NHSL2: variants seen among roughly 807,000 people sequenced by gnomAD.
The protein encoded by NHSL2 is NHS-like protein 2.
NHSL2 carries 27 observed loss-of-function variants against 53.4 expected under a neutral mutation model. The observed-to-expected ratio is 0.51, with a 90% CI of 0.37 to 0.70. The LOEUF (loss-of-function observed/expected upper bound fraction) is 0.70. NHSL2 is among the 30% of genes least tolerant of loss of function. The pLI is 0.00. For missense variants in NHSL2, 892 were observed against 980.1 expected, an observed-to-expected ratio of 0.91 and a Z score of 1.20; for synonymous variants, 408 against 404.1, an observed-to-expected ratio of 1.01 and a Z score of -0.12.
chrX:71,965,645 T>C (rs986827849), intron 1 of NHSL2, among the ~76,000 whole-genome samples: 6 of 112,197 alleles, frequency 5.3e-5, no homozygotes, highest in Non-Finnish European at 9.4e-5. Flanking sequence ...ATCCACAAAA[T>C]AACTTGCTGG....
chrX:72,128,862 G>A (rs1947258065), intron 1 of NHSL2: 1 of 113,252 alleles, frequency 8.8e-6, no homozygotes, highest in Non-Finnish European at 1.9e-5. Context: ...CTGGCAAGGG[G>A]AGAAGACCAC....
chrX:71,921,717 C>T (rs756295729), intron 1 of NHSL2, among the ~76,000 whole-genome samples: 5 of 111,595 alleles, frequency 4.5e-5, no homozygotes, highest in East Asian at 2.8e-4. Flanking sequence ...CCACTATGCA[C>T]GAGTTCATCG....
In NHSL2 at chrX:71,965,551, TC is replaced by T. The variant is rs775345708; in HGVS notation, c.280+54185del. On this transcript the variant is annotated intron_variant, in intron 1 of 7. Coordinates refer to ENST00000633930, the MANE Select transcript of NHSL2 (RefSeq NM_001013627.3). ...CTCAAGGTTGGGCAGTGTAAGTCCT[TC>T]AACTCTTCTTCTCCTTCAATATTGA... is the stretch of plus-strand genomic sequence containing the variant. Among the ~76,000 whole-genome samples, 281 of 112,196 alleles carry T rather than the reference TC, an allele frequency of 2.5e-3. 1 individual carries two copies. The highest frequency in any genetic ancestry group is 8.7e-3 in the African/African-American group (269 of 31,001).
chrX:71,930,560 C>T (rs755127562), intron 1 of NHSL2, among the ~76,000 whole-genome samples: 36 of 112,345 alleles, frequency 3.2e-4, no homozygotes, highest in African/African-American at 1.0e-3. Flanking sequence ...ATCTTCCCAC[C>T]AGTCCCTGGT....
chrX:72,019,761 TC>T (rs1210993769), intron 1 of NHSL2, among the ~76,000 whole-genome samples: 3 of 112,089 alleles, frequency 2.7e-5, no homozygotes, highest in Non-Finnish European at 5.6e-5. Flanking sequence ...TCTCTGAGCC[TC>T]AGTCCCTCCT....
chrX:72,042,754 C>CAA (rs5902691), intron 1 of NHSL2, among the ~76,000 whole-genome samples: 3 of 95,092 alleles, frequency 3.2e-5, no homozygotes, highest in African/African-American at 1.2e-4. Flanking sequence ...ATCCCTGAGC[C>CAA]AAAAAAAAAA....
rs1176421474 is a variant in NHSL2, at chrX:72,140,426, T to C, written c.2878T>C (p.Phe960Leu). 6.6e-6 allele frequency: 8 copies of C among 1,208,251 alleles called. No homozygotes were observed. In the African/African-American group the frequency reaches 1.2e-4, roughly 19 times the overall value. ...TTTTGCCAGTTCCTCTGATGCTTTCTTCTCAGGAACACAGCAGCCTCCCCA... is the reference window on the plus strand; with the variant it reads ...TTTTGCCAGTTCCTCTGATGCTTTCCTCTCAGGAACACAGCAGCCTCCCCA... ...TPFASSSDAF[F>L]SGTQQPPQGS... The change falls in exon 6 of 8, where the codon TTC (phenylalanine) becomes CTC (leucine). Residue 960 changes from phenylalanine (F) to leucine (L), a missense_variant. Phe to Leu is a conservative substitution (Grantham distance 22). Coordinates refer to ENST00000633930, the MANE Select transcript of NHSL2 (RefSeq NM_001013627.3).
intron 1 of NHSL2, among the ~76,000 whole-genome samples, chrX:72,080,666 G>A (rs778495228): frequency 5.5e-5 from 6 of 109,933 alleles, no homozygotes; most frequent in African/African-American, 2.0e-4. Context: ...TTGTCCCTTC[G>A]GTGGTAGAAA....
intron 1 of NHSL2, among the ~76,000 whole-genome samples, chrX:72,053,340 C>G (rs929986383): frequency 1.5e-4 from 17 of 111,783 alleles, no homozygotes; most frequent in African/African-American, 4.9e-4. Flanking sequence ...CCAATCTTCT[C>G]CATTCTGGGG....
Position 72,140,468 on chromosome X carries a change from G to A in NHSL2, c.2920G>A (p.Glu974Lys), listed in dbSNP as rs1242812268. 1 of 1,210,056 alleles carries A rather than the reference G, an allele frequency of 8.3e-7. No homozygotes were observed. Among genetic ancestry groups the A allele is most frequent in the Non-Finnish European group, 1.1e-6 (1 of 894,603 alleles). Residue 974 changes from glutamate to lysine, a missense_variant, in exon 6 of 8, where the codon GAG becomes AAG. Coordinates refer to ENST00000633930, the MANE Select transcript of NHSL2 (RefSeq NM_001013627.3). The part of the protein sequence containing the change: ...QQPPQGSVED[E>K]GPKVRVLPER... ...GCCTCCCCAGGGAAGTGTAGAGGAC[G>A]AGGGCCCCAAGGTGAGGGTTCTGCC... is the stretch of plus-strand genomic sequence containing the variant.
chrX:72,114,055 C>A (rs775208859), intron 1 of NHSL2, among the ~76,000 whole-genome samples: 4 of 111,989 alleles, frequency 3.6e-5, no homozygotes, highest in Admixed American at 9.4e-5. Context: ...TTGAAGTAAA[C>A]CACAAAACAA....
chrX:72,134,194 C>T lies in NHSL2; in HGVS notation c.540C>T (p.Ala180=). The change falls in exon 3 of 8, where the codon GCC becomes GCT. Residue 180 remains alanine, a synonymous_variant. Coordinates refer to ENST00000633930, the MANE Select transcript of NHSL2 (RefSeq NM_001013627.3). ...CCCCCAACCCAAGGCCCCAGTCTGCCAGGCGTCTGGAGTTTATATTGATGG... is the reference window on the plus strand; with the variant it reads ...CCCCCAACCCAAGGCCCCAGTCTGCTAGGCGTCTGGAGTTTATATTGATGG... The part of the protein sequence containing the change: ...KPTPNPRPQS[A]RRLEFILMPT... 1 of 1,167,531 alleles carries T rather than the reference C, an allele frequency of 8.6e-7. No individual in the cohort carries two copies. The highest frequency in any genetic ancestry group is 1.1e-6 in the Non-Finnish European group (1 of 872,434).
intron 1 of NHSL2, among the ~76,000 whole-genome samples, chrX:72,111,136 C>T (rs1053343747): frequency 2.7e-5 from 3 of 112,570 alleles, no homozygotes; most frequent in Admixed American, 9.4e-5. Context: ...CTCCCTGCCC[C>T]GGACTCTGCC....
chrX:71,911,422 C>T, intron 1 of NHSL2, 55 bp downstream of exon 1: 3 of 978,871 alleles, frequency 3.1e-6, no homozygotes, highest in Non-Finnish European at 2.6e-6. Flanking sequence ...CCTCTAGGGG[C>T]GCCGGTCGGC....
At chrX:72,124,301 ATC>A (rs2042205069) in intron 1 of NHSL2, among the ~76,000 whole-genome samples, 1 of 110,559 alleles carries the variant, frequency 9.0e-6, no homozygotes, top group Admixed American at 9.5e-5. Context: ...CTTGTGGCAC[ATC>A]TCTCTCAAAT....
At chrX:72,062,571 G>A (rs1198629546) in intron 1 of NHSL2, among the ~76,000 whole-genome samples, 1 of 112,045 alleles carries the variant, frequency 8.9e-6, no homozygotes, top group Non-Finnish European at 1.9e-5. Context: ...TGGCCAGCAT[G>A]CATGCTCCAG....
chrX:71,953,106 C>T, intron 1 of NHSL2, among the ~76,000 whole-genome samples: 1 of 111,195 alleles, frequency 9.0e-6, no homozygotes, highest in Non-Finnish European at 1.9e-5. Context: ...TGCCATCTAA[C>T]TCTCCACTGT....
rs1556312370 is a variant in NHSL2 at position 71,964,029 on chromosome X, A to ATATATATG, written c.280+52669_280+52670insGTATATAT. 4.0e-3 allele frequency among the ~76,000 whole-genome samples: 128 copies of ATATATATG among 32,055 alleles called. 5 individuals are homozygous for ATATATATG. Among genetic ancestry groups the ATATATATG allele is most frequent in the African/African-American group, 0.018 (102 of 5,539 alleles). The allele number at this position is 32,055 out of a possible 115,157, so 27.8% of individuals were successfully genotyped here. A position where few individuals can be genotyped will look rare whatever the true frequency, so the allele number is the denominator to read the frequency against. The stretch of plus-strand genomic sequence containing the variant: ...TATATATGTATATATATATATGTGT[A>ATATATATG]TATATATATATATGTATATATATAT... On this transcript the variant is annotated intron_variant, in intron 1 of 7. Transcript: ENST00000633930.
At chrX:72,049,054 A>AGAG (rs1456546408) in intron 1 of NHSL2, among the ~76,000 whole-genome samples, 1 of 106,355 alleles carries the variant, frequency 9.4e-6, no homozygotes, top group Non-Finnish European at 1.9e-5. Flanking sequence ...AAGAAGAAGA[A>AGAG]GAGGAGCAGG....
Sources: allele counts gnomAD v4.1 joint callset (sites outside exome capture counted in the v4.1 genomes callset), GRCh38; gene constraint gnomAD v4.1.1; transcripts MANE v1.5; gene names NCBI Gene and HGNC (gene_info 2026-07-23, HGNC 2026-07-21).